THSD7A: variants seen among roughly 807,000 people sequenced by gnomAD.
The protein encoded by THSD7A is thrombospondin type-1 domain-containing protein 7A.
A neutral mutation model predicts 231.3 loss-of-function variants in THSD7A; 96 were observed. The ratio of observed to expected loss-of-function variants is 0.41; its 90% CI spans 0.35 to 0.49. THSD7A has a LOEUF of 0.49. Among genes scored for constraint, THSD7A ranks in the 20% least tolerant of loss-of-function variants. The pLI is 0.05. For synonymous variants in THSD7A, 940 were observed against 743.3 expected (o/e 1.26, Z -4.30); for missense variants, 2,290 against 2,070.2 (o/e 1.11, Z -2.06).
In THSD7A at chr7:11,749,657, G is replaced by C. The variant is rs1411951959; in HGVS notation, c.190+82100C>G. ...TCAAGAGTGGAAACTTGAGAAGATA[G>C]GTGGTCGTGATAAGTCCCTTGTAGG... On this transcript the variant is annotated intron_variant, in intron 1 of 27. Transcript: ENST00000423059. Among the ~76,000 whole-genome samples, 3 of 151,986 alleles carry C rather than the reference G, an allele frequency of 2.0e-5. No homozygotes were observed. The East Asian group carries it at 5.8e-4, about 30-fold the overall frequency.
chr7:11,429,239 A>AGGTGC, intron 13 of THSD7A, 114 bp from the exon 14 acceptor site: 1 of 971,298 alleles, frequency 1.0e-6, no homozygotes, highest in Non-Finnish European at 1.5e-6. Flanking sequence ...GCAGCATGCA[A>AGGTGC]ATGCAGAGGT....
chr7:11,452,801 A>G (rs1185545981), intron 11 of THSD7A, among the ~76,000 whole-genome samples: 1 of 152,052 alleles, frequency 6.6e-6, no homozygotes, highest in Non-Finnish European at 1.5e-5. Context: ...AAAACCCCAA[A>G]TTAACGAGGA....
intron 23 of THSD7A, among the ~76,000 whole-genome samples, chr7:11,398,070 T>C (rs1043954849): frequency 1.3e-5 from 2 of 152,158 alleles, no homozygotes; most frequent in African/African-American, 4.8e-5. Context: ...CATTCTATTA[T>C]AAAGACACAT....
In THSD7A at chr7:11,521,545, G is replaced by A. The variant is rs1434256241; in HGVS notation, c.1822+19874C>T. 1.4e-5 allele frequency among the ~76,000 whole-genome samples: 2 copies of A among 141,694 alleles called. 1 individual carries two copies. Among genetic ancestry groups the A allele is most frequent in the Non-Finnish European group, 3.0e-5 (2 of 65,908 alleles). The allele number at this position is 141,694 out of a possible 152,430, so 93.0% of individuals were successfully genotyped here. A position where few individuals can be genotyped will look rare whatever the true frequency, so the allele number is the denominator to read the frequency against. The stretch of plus-strand genomic sequence containing the variant: ...TAGGGTACATGTGCACATTGTGCAG[G>A]TTAGTTACATATGTATACATGTGCC... On this transcript the variant is annotated intron_variant, in intron 6 of 27. Transcript: ENST00000423059.
intron 1 of THSD7A, among the ~76,000 whole-genome samples, chr7:11,788,217 G>A (rs982301515): frequency 3.3e-5 from 5 of 152,042 alleles, no homozygotes; most frequent in African/African-American, 7.2e-5. Flanking sequence ...CAGTAATGAT[G>A]CAGTCATTTT....
At chr7:11,465,250 T>C (rs576657999) in intron 9 of THSD7A, among the ~76,000 whole-genome samples, 8 of 152,240 alleles carry the variant, frequency 5.3e-5, no homozygotes, top group African/African-American at 1.7e-4. Context: ...TATTCCTTTA[T>C]AGTGGTAAGC....
chr7:11,761,591 T>A (rs912231320), intron 1 of THSD7A, among the ~76,000 whole-genome samples: 1 of 152,136 alleles, frequency 6.6e-6, no homozygotes, highest in Non-Finnish European at 1.5e-5. Flanking sequence ...TGTGTTAACA[T>A]GTGAATGACA....
rs1186099950 is a variant in THSD7A, at chr7:11,370,476, A to ATAGT, written c.*5314_*5317dup. 2.6e-5 allele frequency: 4 copies of ATAGT among 152,342 alleles called. 1 individual carries two copies. The highest frequency in any genetic ancestry group is 9.6e-5 in the African/African-American group (4 of 41,578). The allele number at this position is 152,342 out of a possible 1,614,324, so 9.4% of individuals were successfully genotyped here. On this transcript the variant is annotated 3_prime_UTR_variant, in exon 28 of 28. Coordinates refer to ENST00000423059, the MANE Select transcript of THSD7A (RefSeq NM_015204.3). ...TTCCGTATTTATGTTTGTCAGCAAT[A>ATAGT]TAGTTATTTACAAATAACCCATATG...
At chr7:11,386,077 T>C (rs1782730850) in intron 23 of THSD7A, among the ~76,000 whole-genome samples, 1 of 152,190 alleles carries the variant, frequency 6.6e-6, no homozygotes, top group African/African-American at 2.4e-5. Context: ...TAATATTCCA[T>C]GGTGTATATG....
chr7:11,737,655 G>T (rs1332832067), intron 1 of THSD7A, among the ~76,000 whole-genome samples: 1 of 151,870 alleles, frequency 6.6e-6, no homozygotes, highest in African/African-American at 2.4e-5. Context: ...TGTCATATTT[G>T]TCATATTCTC....
chr7:11,558,023 T>TA (rs2128328425), intron 4 of THSD7A, among the ~76,000 whole-genome samples: 1 of 152,260 alleles, frequency 6.6e-6, no homozygotes, highest in East Asian at 1.9e-4. Context: ...AGTTGGTCTT[T>TA]TATTTGTCCT....
At chr7:11,564,703 G>C (rs984028499) in intron 4 of THSD7A, among the ~76,000 whole-genome samples, 5 of 152,038 alleles carry the variant, frequency 3.3e-5, no homozygotes, top group Admixed American at 6.5e-5. Flanking sequence ...GGCCATTTTA[G>C]GGAATTATAG....
At chr7:11,508,078 T>C (rs1422534430) in intron 6 of THSD7A, among the ~76,000 whole-genome samples, 1 of 152,088 alleles carries the variant, frequency 6.6e-6, no homozygotes, top group South Asian at 2.1e-4. Context: ...AACCATCAGA[T>C]CTTGTGAGGA....
At chr7:11,791,666 A>G (rs1783955362) in intron 1 of THSD7A, among the ~76,000 whole-genome samples, 1 of 152,010 alleles carries the variant, frequency 6.6e-6, no homozygotes, top group African/African-American at 2.4e-5. Context: ...AAGAGAGCAT[A>G]ACCTATCTAG....
At chr7:11,763,120 T>A (rs1488194166) in intron 1 of THSD7A, among the ~76,000 whole-genome samples, 1 of 152,150 alleles carries the variant, frequency 6.6e-6, no homozygotes, top group Non-Finnish European at 1.5e-5. Context: ...CCCCCACACT[T>A]TGCCATAGCA....
chr7:11,541,298 A>G (rs1789135391), intron 6 of THSD7A, 121 bp downstream of exon 6: 2 of 944,016 alleles, frequency 2.1e-6, no homozygotes, highest in Non-Finnish European at 3.3e-6. Context: ...AGAAGCAGCT[A>G]TTTCTACGTT....
chr7:11,417,566 C>A lies in THSD7A; in HGVS notation c.3421G>T (p.Val1141Leu). 1 of 1,613,052 alleles carries A rather than the reference C, an allele frequency of 6.2e-7. No homozygotes were observed. The highest frequency in any genetic ancestry group is 8.5e-7 in the Non-Finnish European group (1 of 1,179,592). ...TCTGGGTCACAGAGGTAATCCTCTA[C>A]ATGTTCAGAAGGGCCATCTGCTGTA... ...QNTADGPSEH[V>L]EDYLCDPEEM... The change falls in exon 17 of 28, where the codon GTA becomes TTA. Residue 1141 changes from valine to leucine, a missense_variant. Transcript: ENST00000423059.
At chr7:11,721,245 C>G (rs922727575) in intron 1 of THSD7A, among the ~76,000 whole-genome samples, 2 of 151,766 alleles carry the variant, frequency 1.3e-5, no homozygotes, top group Admixed American at 6.6e-5. Context: ...TGTGTCTCCA[C>G]TCAAATTTCC....
rs978043510 is a variant in THSD7A, at chr7:11,500,184, G to GA, written c.1823-18203dup. ...CTATATTCAACATTCTTAAAGAAAA[G>GA]AAAAAAAAATCTTCAACTAACACTT... On this transcript the variant is annotated intron_variant, in intron 6 of 27. Coordinates refer to ENST00000423059, the MANE Select transcript of THSD7A (RefSeq NM_015204.3). 1.7e-4 allele frequency among the ~76,000 whole-genome samples: 26 copies of GA among 151,036 alleles called. No homozygotes were observed. The East Asian group carries it at 2.1e-3, about 12-fold the overall frequency.
Sources: allele counts gnomAD v4.1 joint callset (sites outside exome capture counted in the v4.1 genomes callset), GRCh38; gene constraint gnomAD v4.1.1; transcripts MANE v1.5; gene names NCBI Gene and HGNC (gene_info 2026-07-23, HGNC 2026-07-21).